The following TMTC2 variants were observed in gnomAD, a reference collection of about 807,000 sequenced individuals.
TMTC2 encodes transmembrane O-mannosyltransferase targeting cadherins 2.
A neutral mutation model predicts 82.4 loss-of-function variants in TMTC2; 43 were observed. The observed-to-expected ratio is 0.52, with a 90% CI of 0.41 to 0.67. TMTC2 has a LOEUF of 0.67. Among genes scored for constraint, TMTC2 ranks in the 30% least tolerant of loss-of-function variants. The pLI is 0.00. For missense variants in TMTC2, 919 were observed against 1,012.4 expected (o/e 0.91, Z 1.25); for synonymous variants, 408 against 381.9 (o/e 1.07, Z -0.80).
intron 2 of TMTC2, among the ~76,000 whole-genome samples, chr12:82,884,297 T>C (rs1043478163): frequency 6.6e-6 from 1 of 152,212 alleles, no homozygotes; most frequent in African/African-American, 2.4e-5. Flanking sequence ...TGATACTTGC[T>C]TCCCATTTAG....
chr12:82,732,810 C>T (rs1874897831), intron 1 of TMTC2, among the ~76,000 whole-genome samples: 2 of 152,196 alleles, frequency 1.3e-5, no homozygotes, highest in Non-Finnish European at 2.9e-5. Flanking sequence ...CATCCTGGCA[C>T]CTACCTAAAA....
intron 1 of TMTC2, among the ~76,000 whole-genome samples, chr12:82,738,563 G>A (rs1218687133): frequency 1.3e-5 from 2 of 152,158 alleles, no homozygotes; most frequent in Admixed American, 6.5e-5. Flanking sequence ...TAGTATTCAG[G>A]TGTTAAGTGC....
intron 1 of TMTC2, among the ~76,000 whole-genome samples, chr12:82,705,504 G>T (rs1873313415): frequency 6.6e-6 from 1 of 152,094 alleles, no homozygotes; most frequent in African/African-American, 2.4e-5. Context: ...GAAAAGTAAG[G>T]GTATGCTTAC....
chr12:82,967,989 C>T (rs539333777), intron 7 of TMTC2, among the ~76,000 whole-genome samples: 2 of 152,200 alleles, frequency 1.3e-5, no homozygotes, highest in Admixed American at 1.3e-4. Context: ...AAACCTCTCC[C>T]AAACTACAAA....
chr12:83,024,679 T>C (rs549508251), intron 8 of TMTC2, among the ~76,000 whole-genome samples: 1 of 152,228 alleles, frequency 6.6e-6, no homozygotes, highest in Non-Finnish European at 1.5e-5. Context: ...ATATTCCTAC[T>C]GATGCTGAAG....
At chr12:82,734,590 A>G (rs775739437) in intron 1 of TMTC2, among the ~76,000 whole-genome samples, 13 of 152,270 alleles carry the variant, frequency 8.5e-5, no homozygotes, top group African/African-American at 9.6e-5. Context: ...TGCCATAATC[A>G]TAGGAGTAAT....
At chr12:82,970,424 C>T (rs895133438) in intron 7 of TMTC2, among the ~76,000 whole-genome samples, 21 of 152,054 alleles carry the variant, frequency 1.4e-4, no homozygotes, top group African/African-American at 5.1e-4. Flanking sequence ...CTCCGCTTCC[C>T]GGGTTCACGC....
At chr12:83,131,012 T>C (rs1885242362) in intron 11 of TMTC2, among the ~76,000 whole-genome samples, 1 of 152,156 alleles carries the variant, frequency 6.6e-6, no homozygotes, top group Non-Finnish European at 1.5e-5. Context: ...GATTTTACGG[T>C]AAAGAGTAGA....
intron 1 of TMTC2, among the ~76,000 whole-genome samples, chr12:82,790,866 T>C (rs1265521165): frequency 6.7e-6 from 1 of 149,894 alleles, no homozygotes; most frequent in Non-Finnish European, 1.5e-5. Flanking sequence ...AAAGAAAAAA[T>C]TCTTCTTTTG....
chr12:82,931,365 G>T lies in TMTC2; in HGVS notation c.1598+820G>T, dbSNP rs563087103. 2.0e-5 allele frequency among the ~76,000 whole-genome samples: 3 copies of T among 152,134 alleles called. No homozygotes were observed. The East Asian group carries it at 5.8e-4, about 29-fold the overall frequency. Reference sequence around the variant, plus strand: ...GCACTGATGATTATCAGTGAGGTTGGGATAGTTTAGAATGTTCTTGTATGT... The same window carrying T: ...GCACTGATGATTATCAGTGAGGTTGTGATAGTTTAGAATGTTCTTGTATGT... On this transcript the variant is annotated intron_variant, in intron 4 of 11. Coordinates refer to ENST00000321196, the MANE Select transcript of TMTC2 (RefSeq NM_152588.3).
chr12:82,921,481 T>A (rs80078663), intron 3 of TMTC2, among the ~76,000 whole-genome samples: 1 of 152,110 alleles, frequency 6.6e-6, no homozygotes, highest in Admixed American at 6.5e-5. Flanking sequence ...TTATAATTTT[T>A]AAAATTTCTT....
intron 8 of TMTC2, among the ~76,000 whole-genome samples, chr12:83,027,737 G>A (rs957606407): frequency 5.3e-5 from 8 of 152,096 alleles, no homozygotes; most frequent in Admixed American, 1.3e-4. Context: ...CACCTTCAAC[G>A]TGTTTATTTT....
intron 8 of TMTC2, among the ~76,000 whole-genome samples, chr12:82,993,988 G>A (rs868184644): frequency 6.6e-6 from 1 of 151,950 alleles, no homozygotes; most frequent in African/African-American, 2.4e-5. Flanking sequence ...GGGTCCAGGG[G>A]GTGCTGTGAG....
rs1212393308 is a variant in TMTC2, at chr12:83,134,280, T to C, written c.*1891T>C. 1 of 139,482 alleles carries C rather than the reference T, an allele frequency of 7.2e-6. No homozygotes were observed. The highest frequency in any genetic ancestry group is 2.8e-5 in the African/African-American group (1 of 36,346). The allele number at this position is 139,482 out of a possible 1,614,324, so 8.6% of individuals were successfully genotyped here. On this transcript the variant is annotated 3_prime_UTR_variant, in exon 12 of 12. Transcript: ENST00000321196. Reference sequence around the variant, plus strand: ...AGTGTATTATTCATCTTTTAGTGCATTGGCAATTGCAAAAAAAAAAAAGGA... The same window carrying C: ...AGTGTATTATTCATCTTTTAGTGCACTGGCAATTGCAAAAAAAAAAAAGGA...
chr12:82,852,852 A>G (rs1231796663), intron 1 of TMTC2, among the ~76,000 whole-genome samples: 1 of 152,218 alleles, frequency 6.6e-6, no homozygotes, highest in Non-Finnish European at 1.5e-5. Context: ...ACTGACCTGC[A>G]TGTGTGACAT....
At chr12:83,054,045 T>C (rs1177333929) in intron 10 of TMTC2, among the ~76,000 whole-genome samples, 2 of 152,108 alleles carry the variant, frequency 1.3e-5, no homozygotes, top group Non-Finnish European at 2.9e-5. Flanking sequence ...GAATGTGATG[T>C]ATGGCATTTT....
intron 11 of TMTC2, among the ~76,000 whole-genome samples, chr12:83,098,389 C>T (rs994586031): frequency 6.6e-6 from 1 of 152,156 alleles, no homozygotes; most frequent in Non-Finnish European, 1.5e-5. Flanking sequence ...ACAATGTTTC[C>T]TCTTCATCTC....
intron 3 of TMTC2, among the ~76,000 whole-genome samples, chr12:82,913,112 T>C (rs1165537482): frequency 3.9e-5 from 6 of 152,198 alleles, no homozygotes; most frequent in African/African-American, 1.4e-4. Flanking sequence ...CAGTGATAAA[T>C]TTAAAATTAC....
intron 1 of TMTC2, among the ~76,000 whole-genome samples, chr12:82,852,412 C>CT (rs1330869107): frequency 6.6e-6 from 1 of 152,060 alleles, no homozygotes; most frequent in Non-Finnish European, 1.5e-5. Flanking sequence ...CGGCCAGAGA[C>CT]TATCTTTTTG....
Sources: allele counts gnomAD v4.1 joint callset (sites outside exome capture counted in the v4.1 genomes callset), GRCh38; gene constraint gnomAD v4.1.1; transcripts MANE v1.5; gene names NCBI Gene and HGNC (gene_info 2026-07-23, HGNC 2026-07-21).